Variants in DISC1 observed in about 807,000 individuals in gnomAD.
DISC1 encodes the protein DISC1 scaffold protein.
Under a neutral mutation model 84.5 loss-of-function variants are expected in DISC1, and 57 were observed. The ratio of observed to expected loss-of-function variants is 0.67; its 90% confidence interval spans 0.55 to 0.84. The LOEUF (loss-of-function observed/expected upper bound fraction) is 0.84. Among genes scored for constraint, DISC1 ranks in the 40% least tolerant of loss-of-function variants. The pLI is 0.00. For synonymous variants in DISC1, 411 were observed against 415.2 expected (o/e 0.99, Z 0.12); for missense variants, 1,000 against 1,057.8 (o/e 0.95, Z 0.76).
At chr1:231,740,299 G>A (rs934856358) in intron 3 of DISC1, among the ~76,000 whole-genome samples, 3 of 152,190 alleles carry the variant, frequency 2.0e-5, no homozygotes, top group Non-Finnish European at 4.4e-5. Context: ...TGGAGGTATT[G>A]GTCATATTTA....
chr1:231,787,557 C>T (rs1183447466), intron 6 of DISC1, among the ~76,000 whole-genome samples: 4 of 152,180 alleles, frequency 2.6e-5, no homozygotes, highest in African/African-American at 9.7e-5. Context: ...GGGCAGATTC[C>T]TGGTAACCTA....
Position 231,656,662 on chromosome 1 carries a change from G to A in DISC1, c.67+29728G>A, listed in dbSNP as rs185186406. On this transcript the variant is annotated intron_variant, in intron 1 of 12. Coordinates refer to ENST00000439617, the MANE Select transcript of DISC1 (RefSeq NM_018662.3). ...TTTAAGTTCATGGGTACATGTGGAG[G>A]ATGTGCAGGTTTGTTACACAAGTAA... Among the ~76,000 whole-genome samples the A allele has an allele frequency of 2.5e-3, 375 of 152,130 alleles. 6 individuals carry two copies. Among genetic ancestry groups the A allele is most frequent in the African/African-American group, 8.6e-3 (358 of 41,510 alleles).
Position 231,754,435 on chromosome 1 carries a change from A to G in DISC1, c.1268+4359A>G, listed in dbSNP as rs1360221839. On this transcript the variant is annotated intron_variant, in intron 4 of 12. Coordinates refer to ENST00000439617, the MANE Select transcript of DISC1 (RefSeq NM_018662.3). ...TATCACATGGCTGGAGCAGCAAGAG[A>G]GAGAGAAATGGGAGGTATTACTCAC... 3.3e-5 allele frequency among the ~76,000 whole-genome samples: 5 copies of G among 152,138 alleles called. No individual in the cohort carries two copies. The East Asian group carries it at 9.6e-4, about 29-fold the overall frequency.
chr1:231,794,684 A>G (rs1487289095), intron 6 of DISC1, among the ~76,000 whole-genome samples: 1 of 152,190 alleles, frequency 6.6e-6, no homozygotes, highest in Non-Finnish European at 1.5e-5. Flanking sequence ...AAATTACATG[A>G]ATAAATAAAT....
intron 4 of DISC1, among the ~76,000 whole-genome samples, chr1:231,758,713 C>T (rs2075368821): frequency 6.6e-6 from 1 of 152,198 alleles, no homozygotes; most frequent in Non-Finnish European, 1.5e-5. Flanking sequence ...ACTGTGTCTT[C>T]CATCCAATCA....
intron 9 of DISC1, among the ~76,000 whole-genome samples, chr1:231,852,943 A>G (rs746051955): frequency 4.6e-5 from 7 of 152,222 alleles, no homozygotes; most frequent in Non-Finnish European, 7.3e-5. Flanking sequence ...TGTCATTTAC[A>G]AGGGTTTATG....
intron 9 of DISC1, among the ~76,000 whole-genome samples, chr1:231,908,150 C>A (rs545035424): frequency 6.6e-6 from 1 of 152,270 alleles, no homozygotes; most frequent in East Asian, 1.9e-4. Context: ...ATGGTAGTTT[C>A]TTTTGCTGTG....
At chr1:231,696,358 C>T (rs963466828) in intron 2 of DISC1, among the ~76,000 whole-genome samples, 30 of 152,138 alleles carry the variant, frequency 2.0e-4, no homozygotes, top group African/African-American at 6.5e-4. Context: ...TAGCAAGTAC[C>T]CAGAAATTAA....
chr1:231,776,319 G>A (rs1007893870), intron 6 of DISC1, among the ~76,000 whole-genome samples: 4 of 152,238 alleles, frequency 2.6e-5, no homozygotes, highest in South Asian at 2.1e-4. Context: ...TCATTCCTCA[G>A]CTCCTCGGAT....
intron 1 of DISC1, among the ~76,000 whole-genome samples, chr1:231,660,192 C>CTCT (rs112563000): frequency 0.11 from 17,056 of 151,998 alleles, 1,519 homozygotes; most frequent in African/African-American, 0.26. Context: ...GGATAGTTAG[C>CTCT]TCTTGTTGAA....
chr1:231,725,495 C>T (rs1443451271), intron 3 of DISC1, among the ~76,000 whole-genome samples: 2 of 152,184 alleles, frequency 1.3e-5, no homozygotes, highest in African/African-American at 4.8e-5. Flanking sequence ...ACCCACCCCT[C>T]AATTTGCACT....
chr1:232,008,243 G>C (rs1319817245), intron 10 of DISC1, among the ~76,000 whole-genome samples: 1 of 152,132 alleles, frequency 6.6e-6, no homozygotes, highest in Non-Finnish European at 1.5e-5. Context: ...TAAATAATTA[G>C]AATTGTCATA....
intron 10 of DISC1, among the ~76,000 whole-genome samples, chr1:232,006,389 C>A (rs1035212751): frequency 2.0e-5 from 3 of 151,864 alleles, no homozygotes; most frequent in Admixed American, 2.0e-4. Context: ...GAGGTGGTAT[C>A]AGATGGAGAT....
chr1:231,901,290 T>C (rs2088152939), intron 9 of DISC1, among the ~76,000 whole-genome samples: 1 of 152,246 alleles, frequency 6.6e-6, no homozygotes, highest in Non-Finnish European at 1.5e-5. Flanking sequence ...CATAATGCTA[T>C]GCAATGGTAT....
At chr1:231,890,570 C>T (rs1169547382) in intron 9 of DISC1, among the ~76,000 whole-genome samples, 1 of 152,032 alleles carries the variant, frequency 6.6e-6, no homozygotes, top group East Asian at 1.9e-4. Context: ...GGGCTCCAGC[C>T]CTGGTGAGGG....
chr1:231,762,200 TTTCTTTTCTTTTCTC>T (rs200658207), intron 4 of DISC1, among the ~76,000 whole-genome samples: 3 of 19,382 alleles, frequency 1.5e-4, no homozygotes, highest in East Asian at 1.1e-3. Context: ...TTTCTTTTCT[TTTCTTTTCTTTTCTC>T]TTCTTTTCTT....
At chr1:231,663,138 T>C (rs1335971835) in intron 1 of DISC1, among the ~76,000 whole-genome samples, 2 of 152,144 alleles carry the variant, frequency 1.3e-5, no homozygotes, top group Admixed American at 6.5e-5. Context: ...TAGAACAAGA[T>C]GTAAATAGTA....
chr1:231,882,617 G>A lies in DISC1; in HGVS notation c.1981+64100G>A, dbSNP rs114155381. Among the ~76,000 whole-genome samples the A allele has an allele frequency of 4.2e-3, 646 of 152,234 alleles. 8 individuals carry two copies. Among genetic ancestry groups the A allele is most frequent in the African/African-American group, 0.015 (610 of 41,540 alleles). ...TTGCATCATGCTACTGTACCTGCATGTTGTAATTTGTACCTTATTTGCTGT... is the reference window on the plus strand; with the variant it reads ...TTGCATCATGCTACTGTACCTGCATATTGTAATTTGTACCTTATTTGCTGT... On this transcript the variant is annotated intron_variant, in intron 9 of 12. Coordinates refer to ENST00000439617, the MANE Select transcript of DISC1 (RefSeq NM_018662.3).
At chr1:231,833,725 G>A (rs889371944) in intron 9 of DISC1, among the ~76,000 whole-genome samples, 6 of 152,300 alleles carry the variant, frequency 3.9e-5, no homozygotes, top group African/African-American at 9.6e-5. Context: ...TGCGGTTTAG[G>A]CATTTGGAAG....
Sources: gnomAD v4.1 joint callset for allele counts (sites outside exome capture counted in the v4.1 genomes callset) on GRCh38, gnomAD v4.1.1 for gene constraint, MANE v1.5 for transcripts, NCBI Gene and HGNC (gene_info 2026-07-23, HGNC 2026-07-21) for gene names.